TSPEAR: variants seen among roughly 807,000 people sequenced by gnomAD.
The protein encoded by TSPEAR is thrombospondin type laminin G domain and EAR repeats.
A neutral mutation model predicts 71.6 loss-of-function variants in TSPEAR; 69 were observed. The ratio of observed to expected loss-of-function variants is 0.96; its 90% CI spans 0.79 to 1.18. TSPEAR has a LOEUF of 1.18. TSPEAR is among the 50% of genes most tolerant of loss of function. The pLI, the probability that TSPEAR is intolerant of heterozygous loss-of-function variation, is 0.00. For missense variants in TSPEAR, 971 were observed against 894.9 expected (o/e 1.09, Z -1.09); for synonymous variants, 402 against 387.2 (o/e 1.04, Z -0.45).
At chr21:44,658,926 C>T (rs1985331327) in intron 1 of TSPEAR, among the ~76,000 whole-genome samples, 1 of 152,118 alleles carries the variant, frequency 6.6e-6, no homozygotes, top group African/African-American at 2.4e-5. Flanking sequence ...GGCCCCAGAT[C>T]CCATGCAATA....
chr21:44,528,175 C>T (rs1358599570), intron 6 of TSPEAR, among the ~76,000 whole-genome samples: 1 of 152,178 alleles, frequency 6.6e-6, no homozygotes, highest in Non-Finnish European at 1.5e-5. Context: ...AGGCTCGAGG[C>T]TCCTGGTGGG....
chr21:44,543,535 A>G (rs192454648), intron 2 of TSPEAR, among the ~76,000 whole-genome samples: 9 of 152,342 alleles, frequency 5.9e-5, no homozygotes, highest in African/African-American at 1.9e-4. Flanking sequence ...ATGACCTTAT[A>G]TGGAAATAAG....
rs372513645 is a variant in TSPEAR, at chr21:44,604,440, C to T, written c.83-36435G>A. On this transcript the variant is annotated intron_variant, in intron 1 of 11. Transcript: ENST00000323084. ...TAAGATAGCCAATCTCACCTACCAT[C>T]GAGACACCATGCACAAAAATTAACT... Among the ~76,000 whole-genome samples, 22 of 152,312 alleles carry T rather than the reference C, an allele frequency of 1.4e-4. 1 individual carries two copies. Among genetic ancestry groups the T allele is most frequent in the African/African-American group, 2.6e-4 (11 of 41,578 alleles).
chr21:44,651,381 T>C (rs944336971), intron 1 of TSPEAR, among the ~76,000 whole-genome samples: 4 of 152,132 alleles, frequency 2.6e-5, no homozygotes, highest in African/African-American at 4.8e-5. Context: ...ACAAACTTAG[T>C]AGCTTCGAAC....
At chr21:44,521,737 C>G in intron 9 of TSPEAR, 146 bp downstream of exon 9, 1 of 737,572 alleles carries the variant, frequency 1.4e-6, no homozygotes, top group Non-Finnish European at 2.2e-6. Context: ...GGAGCAGGCC[C>G]TGCCTGGGTT....
intron 1 of TSPEAR, among the ~76,000 whole-genome samples, chr21:44,569,212 C>T (rs587657620): frequency 6.6e-6 from 1 of 152,202 alleles, no homozygotes; most frequent in Non-Finnish European, 1.5e-5. Context: ...TGCAGAAGAG[C>T]CTACCCTGGA....
intron 1 of TSPEAR, among the ~76,000 whole-genome samples, chr21:44,586,846 T>C (rs934911283): frequency 6.6e-6 from 1 of 152,208 alleles, no homozygotes; most frequent in East Asian, 1.9e-4. Context: ...AGCATCTCTA[T>C]GATTAAAACT....
chr21:44,503,778 C>G (rs1440367606), intron 11 of TSPEAR, among the ~76,000 whole-genome samples: 1 of 113,788 alleles, frequency 8.8e-6, no homozygotes, highest in Non-Finnish European at 1.7e-5. Flanking sequence ...GGAAGCAAGG[C>G]TCTGGGAGGA....
intron 2 of TSPEAR, among the ~76,000 whole-genome samples, chr21:44,563,151 A>G (rs1555921318): frequency 6.6e-6 from 1 of 152,192 alleles, no homozygotes; most frequent in Admixed American, 6.5e-5. Context: ...TAGTAATGTG[A>G]ATCCACAGGA....
At chr21:44,645,670 C>T (rs1441038089) in intron 1 of TSPEAR, among the ~76,000 whole-genome samples, 2 of 152,024 alleles carry the variant, frequency 1.3e-5, no homozygotes, top group Non-Finnish European at 2.9e-5. Flanking sequence ...CTTATCTTAT[C>T]GTCTGTGCCG....
chr21:44,565,893 G>A (rs1054164915), intron 2 of TSPEAR, among the ~76,000 whole-genome samples: 1 of 152,198 alleles, frequency 6.6e-6, no homozygotes, highest in Non-Finnish European at 1.5e-5. Context: ...AAGGTTGCAG[G>A]ATACAACGTC....
At chr21:44,575,560 C>T (rs1435759850) in intron 1 of TSPEAR, among the ~76,000 whole-genome samples, 5 of 152,228 alleles carry the variant, frequency 3.3e-5, no homozygotes, top group Non-Finnish European at 7.3e-5. Context: ...ATTTCGGGCC[C>T]TTGGGTTTGT....
chr21:44,509,009 C>T (rs2052277311), intron 10 of TSPEAR, 190 bp downstream of exon 10: 1 of 1,497,726 alleles, frequency 6.7e-7, no homozygotes, highest in African/African-American at 1.4e-5. Flanking sequence ...GCGGCACTGA[C>T]TTCCCCAGGC....
At chr21:44,641,338 G>C (rs903272486) in intron 1 of TSPEAR, among the ~76,000 whole-genome samples, 3 of 152,180 alleles carry the variant, frequency 2.0e-5, no homozygotes, top group Non-Finnish European at 4.4e-5. Flanking sequence ...AGTTCCAGGA[G>C]ACTGAAAGCA....
chr21:44,581,310 T>C (rs2146103332), intron 1 of TSPEAR, among the ~76,000 whole-genome samples: 1 of 152,370 alleles, frequency 6.6e-6, no homozygotes, highest in East Asian at 1.9e-4. Flanking sequence ...GACATACATT[T>C]TAAGATTTCT....
chr21:44,526,793 A>G (rs1466957370), intron 7 of TSPEAR, among the ~76,000 whole-genome samples: 1 of 152,204 alleles, frequency 6.6e-6, no homozygotes, highest in Non-Finnish European at 1.5e-5. Flanking sequence ...TCCCAGACCC[A>G]CCACCTCGAC....
intron 1 of TSPEAR, among the ~76,000 whole-genome samples, chr21:44,707,302 T>TG (rs781918079): frequency 0.27 from 36,844 of 135,736 alleles, 5,686 homozygotes; most frequent in Admixed American, 0.34. Context: ...GGACGCGGGG[T>TG]GGGGGGGGGT....
chr21:44,605,816 G>C (rs891106643), intron 1 of TSPEAR, among the ~76,000 whole-genome samples: 7 of 152,150 alleles, frequency 4.6e-5, no homozygotes, highest in Non-Finnish European at 7.4e-5. Flanking sequence ...ATGCATGGAA[G>C]ACCTCGGCAT....
rs1982560434 is a variant in TSPEAR, at chr21:44,623,184, C to T, written c.83-55179G>A. ...TTTCTTTATAGCAATGCGAGACCAG[C>T]TTAACACAGTGAGGTTCTGGGTGGA... On this transcript the variant is annotated intron_variant, in intron 1 of 11. Coordinates refer to ENST00000323084, the MANE Select transcript of TSPEAR (RefSeq NM_144991.3). The surrounding 1 kb of genome is among the most constrained non-coding windows in gnomAD (Gnocchi z 4.5). Among the ~76,000 whole-genome samples the T allele has an allele frequency of 6.6e-6, 1 of 152,194 alleles. No individual in the cohort carries two copies. The highest frequency in any genetic ancestry group is 1.5e-5 in the Non-Finnish European group (1 of 68,040).
Sources: gnomAD v4.1 joint callset for allele counts (sites outside exome capture counted in the v4.1 genomes callset) on GRCh38, gnomAD v4.1.1 for gene constraint, Gnocchi (gnomAD v3.1) non-coding constraint, MANE v1.5 for transcripts, NCBI Gene and HGNC (gene_info 2026-07-23, HGNC 2026-07-21) for gene names.